The following HS3ST3A1 variants were observed in gnomAD, a reference collection of about 807,000 sequenced individuals.
HS3ST3A1 encodes the protein heparan sulfate-glucosamine 3-sulfotransferase 3A1.
Under a neutral mutation model 25.7 loss-of-function variants are expected in HS3ST3A1, and 19 were observed. That is an observed-to-expected ratio of 0.74 (90% CI 0.52 to 1.08). HS3ST3A1 has a LOEUF of 1.08. HS3ST3A1 is among the 50% of genes least tolerant of loss of function. The pLI, the probability that HS3ST3A1 is intolerant of heterozygous loss-of-function variation, is 0.00. For synonymous variants in HS3ST3A1, 226 were observed against 278.6 expected (o/e 0.81, Z 1.88); for missense variants, 459 against 594.3 (o/e 0.77, Z 2.37).
intron 1 of HS3ST3A1, among the ~76,000 whole-genome samples, chr17:13,513,640 A>G (rs947774261): frequency 1.5e-4 from 23 of 152,324 alleles, no homozygotes; most frequent in African/African-American, 5.1e-4. Context: ...CTCTGGAATA[A>G]ATAGAAACAC....
Position 13,496,611 on chromosome 17 carries a change from C to T in HS3ST3A1, c.807G>A (p.Leu269=), listed in dbSNP as rs145257451. ...KRPDIPTFES[L]TFKNRTAGLI... ...GGCCCGCTGTCCTGTTTTTGAACGT[C>T]AAGCTCTCGAAGGTGGGGATGTCGG... is the stretch of plus-strand genomic sequence containing the variant. Residue 269 remains leucine, a synonymous_variant, in exon 2 of 2, where the codon TTG becomes TTA. Coordinates refer to ENST00000284110, the MANE Select transcript of HS3ST3A1 (RefSeq NM_006042.3). 1,491 of 1,610,768 alleles carry T rather than the reference C, an allele frequency of 9.3e-4. 11 individuals are homozygous for T. The African/African-American group carries it at 0.018, about 19-fold the overall frequency.
intron 1 of HS3ST3A1, among the ~76,000 whole-genome samples, chr17:13,566,435 C>T (rs1261420206): frequency 6.6e-6 from 1 of 152,116 alleles, no homozygotes; most frequent in African/African-American, 2.4e-5. Context: ...GAAATTAGGT[C>T]ATTTAATATC....
At chr17:13,551,637 A>C (rs1423775090) in intron 1 of HS3ST3A1, among the ~76,000 whole-genome samples, 2 of 143,068 alleles carry the variant, frequency 1.4e-5, no homozygotes, top group African/African-American at 2.6e-5. Context: ...GGGGGGGGGT[A>C]TTTTTACGTT....
chr17:13,526,657 AT>A (rs1202419400), intron 1 of HS3ST3A1, among the ~76,000 whole-genome samples: 1 of 150,638 alleles, frequency 6.6e-6, no homozygotes, highest in East Asian at 2.0e-4. Flanking sequence ...TTTATTTTTT[AT>A]TTTTTTAAGA....
At chr17:13,553,734 G>C (rs960892438) in intron 1 of HS3ST3A1, among the ~76,000 whole-genome samples, 6 of 152,056 alleles carry the variant, frequency 3.9e-5, no homozygotes, top group African/African-American at 1.4e-4. Context: ...GTTCTTTCTA[G>C]ACATGTGAAA....
At chr17:13,549,610 A>T (rs894096238) in intron 1 of HS3ST3A1, among the ~76,000 whole-genome samples, 12 of 152,024 alleles carry the variant, frequency 7.9e-5, no homozygotes, top group African/African-American at 2.9e-4. Context: ...CACTAAGTCC[A>T]CTCATCCTCT....
At chr17:13,498,917 G>A (rs1468717020) in intron 1 of HS3ST3A1, among the ~76,000 whole-genome samples, 3 of 150,780 alleles carry the variant, frequency 2.0e-5, no homozygotes, top group Non-Finnish European at 4.4e-5. Context: ...TTTTCCCTTA[G>A]CCCATACTCA....
chr17:13,561,231 G>A (rs1014586911), intron 1 of HS3ST3A1, among the ~76,000 whole-genome samples: 1 of 152,062 alleles, frequency 6.6e-6, no homozygotes, highest in African/African-American at 2.4e-5. Context: ...TGCCCTAGAG[G>A]AAAGGAAGTT....
intron 1 of HS3ST3A1, among the ~76,000 whole-genome samples, chr17:13,563,472 T>C (rs1244393933): frequency 1.3e-5 from 2 of 152,192 alleles, no homozygotes; most frequent in Non-Finnish European, 2.9e-5. Flanking sequence ...AGGATGTATG[T>C]AGGCATTTTG....
chr17:13,521,914 C>T (rs1040655661), intron 1 of HS3ST3A1, among the ~76,000 whole-genome samples: 3 of 152,066 alleles, frequency 2.0e-5, no homozygotes, highest in Non-Finnish European at 2.9e-5. Context: ...AAAATTTAGG[C>T]AGCATCTCTG....
intron 1 of HS3ST3A1, among the ~76,000 whole-genome samples, chr17:13,501,383 T>TA (rs1042010240): frequency 1.3e-5 from 2 of 151,938 alleles, no homozygotes; most frequent in Non-Finnish European, 2.9e-5. Flanking sequence ...ACAATTTTTT[T>TA]AAAAAAAAGA....
intron 1 of HS3ST3A1, among the ~76,000 whole-genome samples, chr17:13,497,941 C>A (rs1414099913): frequency 3.3e-5 from 5 of 152,136 alleles, no homozygotes; most frequent in Admixed American, 3.3e-4. Flanking sequence ...TGGGAGCTTG[C>A]AGTTATTAAT....
chr17:13,541,571 G>C (rs1906933778), intron 1 of HS3ST3A1, among the ~76,000 whole-genome samples: 1 of 152,186 alleles, frequency 6.6e-6, no homozygotes, highest in African/African-American at 2.4e-5. Flanking sequence ...AGATTTGAGA[G>C]GGTGGTTATT....
chr17:13,554,192 T>C (rs1211145487), intron 1 of HS3ST3A1, among the ~76,000 whole-genome samples: 1 of 152,202 alleles, frequency 6.6e-6, no homozygotes, highest in Non-Finnish European at 1.5e-5. Context: ...CTAGTCTGTG[T>C]TCTAGGCAGA....
chr17:13,580,653 G>A (rs540567041), intron 1 of HS3ST3A1, among the ~76,000 whole-genome samples: 61 of 152,266 alleles, frequency 4.0e-4, no homozygotes, highest in African/African-American at 1.4e-3. Context: ...AACACTTTGG[G>A]AGGCTGAGAC....
intron 1 of HS3ST3A1, among the ~76,000 whole-genome samples, chr17:13,575,147 T>C (rs191339975): frequency 6.6e-6 from 1 of 152,292 alleles, no homozygotes; most frequent in East Asian, 1.9e-4. Context: ...GCTCTCTCAG[T>C]TGTGAAACTC....
chr17:13,578,364 A>T (rs59953110), intron 1 of HS3ST3A1, among the ~76,000 whole-genome samples: 1 of 146,922 alleles, frequency 6.8e-6, no homozygotes, highest in Non-Finnish European at 1.5e-5. Context: ...CCCGGCCAAC[A>T]CGGTGAAATC....
intron 1 of HS3ST3A1, among the ~76,000 whole-genome samples, chr17:13,525,035 C>G (rs1403758927): frequency 6.6e-6 from 1 of 152,108 alleles, no homozygotes; most frequent in Non-Finnish European, 1.5e-5. Flanking sequence ...GTTACCCCAG[C>G]TTGCTTTCTT....
chr17:13,495,929 T>C lies in HS3ST3A1; in HGVS notation c.*268A>G. ...GAAAACTTTTAATGACAACTGATGCTTATACTTTATGACTGGGTATATAGA... is the reference window on the plus strand; with the variant it reads ...GAAAACTTTTAATGACAACTGATGCCTATACTTTATGACTGGGTATATAGA... On this transcript the variant is annotated 3_prime_UTR_variant, in exon 2 of 2. Transcript: ENST00000284110. 1 of 333,326 alleles carries C rather than the reference T, an allele frequency of 3.0e-6. No individual in the cohort carries two copies. The highest frequency in any genetic ancestry group is 5.3e-6 in the Non-Finnish European group (1 of 188,236). The allele number at this position is 333,326 out of a possible 1,614,324, so 20.6% of individuals were successfully genotyped here.
Sources: allele counts gnomAD v4.1 joint callset (sites outside exome capture counted in the v4.1 genomes callset), GRCh38; gene constraint gnomAD v4.1.1; transcripts MANE v1.5; gene names NCBI Gene and HGNC (gene_info 2026-07-23, HGNC 2026-07-21).